Variants in HNRNPF observed in about 807,000 individuals in gnomAD.
HNRNPF encodes HnRNP F protein.
In HNRNPF, 2 loss-of-function variants were observed where a neutral mutation model predicts 26.0. The observed-to-expected ratio is 0.08, with a 90% CI of 0.03 to 0.24. HNRNPF has a LOEUF of 0.24. Among genes scored for constraint, HNRNPF ranks in the 10% least tolerant of loss-of-function variants. The pLI, the probability that HNRNPF is intolerant of heterozygous loss-of-function variation, is 1.00. For missense variants in HNRNPF, 299 were observed against 539.2 expected (o/e 0.55, Z 4.41); for synonymous variants, 234 against 211.5 (o/e 1.11, Z -0.92).
chr10:43,395,585 T>TG (rs968578022), intron 2 of HNRNPF, among the ~76,000 whole-genome samples: 29 of 152,126 alleles, frequency 1.9e-4, no homozygotes, highest in South Asian at 4.1e-4. Flanking sequence ...AAGACACTAT[T>TG]GGGGGGGTGT....
chr10:43,406,538 T>TA (rs1304946542), intron 1 of HNRNPF, among the ~76,000 whole-genome samples: 3 of 151,816 alleles, frequency 2.0e-5, no homozygotes, highest in Admixed American at 2.0e-4. Context: ...CTACAAAAAA[T>TA]ACAAAAATTT....
At chr10:43,405,026 C>A (rs1383272689) in intron 1 of HNRNPF, among the ~76,000 whole-genome samples, 1 of 152,170 alleles carries the variant, frequency 6.6e-6, no homozygotes, top group Non-Finnish European at 1.5e-5. Context: ...TAGATGATCA[C>A]TTACACAGCA....
At chr10:43,393,434 A>G (rs1005259254) in intron 3 of HNRNPF, among the ~76,000 whole-genome samples, 34 of 152,148 alleles carry the variant, frequency 2.2e-4, no homozygotes, top group Non-Finnish European at 4.4e-4. Context: ...CGTTTCTACT[A>G]AAAATACAAA....
intron 3 of HNRNPF, among the ~76,000 whole-genome samples, chr10:43,392,893 C>T (rs141262771): frequency 6.6e-6 from 1 of 152,306 alleles, no homozygotes; most frequent in Non-Finnish European, 1.5e-5. Flanking sequence ...AGGTTCTCCT[C>T]TGTGCCACAA....
At chr10:43,393,494 G>A (rs1838335096) in intron 3 of HNRNPF, among the ~76,000 whole-genome samples, 1 of 152,060 alleles carries the variant, frequency 6.6e-6, no homozygotes, top group South Asian at 2.1e-4. Context: ...ACTCAGGAAG[G>A]CTGAGGCAGG....
At chr10:43,392,472 G>A (rs148208310) in intron 3 of HNRNPF, among the ~76,000 whole-genome samples, 16,930 of 152,270 alleles carry the variant, frequency 0.11, 983 homozygotes, top group Non-Finnish European at 0.12. Context: ...CTGGAAGGCA[G>A]AGGTTGCAGT....
rs575468594 is a variant in HNRNPF at position 43,397,658 on chromosome 10, A to C, written c.-246-1068T>G. 6.6e-5 allele frequency among the ~76,000 whole-genome samples: 10 copies of C among 152,346 alleles called. No individual in the cohort carries two copies. The South Asian group carries it at 1.2e-3, about 19-fold the overall frequency. ...TTTTGAAAAAAAATCTTTGAAAAAA[A>C]ATTTTTTTAACGCAATTCCTAAACT... On this transcript the variant is annotated intron_variant, in intron 1 of 3. Transcript: ENST00000682386.
intron 2 of HNRNPF, among the ~76,000 whole-genome samples, chr10:43,395,965 G>C (rs944030235): frequency 6.6e-6 from 1 of 152,190 alleles, no homozygotes; most frequent in Non-Finnish European, 1.5e-5. Flanking sequence ...GGGGCGGGGA[G>C]GGCTGCTCAG....
intron 1 of HNRNPF, chr10:43,397,301 A>G (rs541952517): frequency 3.3e-5 from 5 of 151,874 alleles, no homozygotes; most frequent in African/African-American, 1.2e-4. Flanking sequence ...CAGAGGAGGA[A>G]GTGCCATTGC....
intron 3 of HNRNPF, among the ~76,000 whole-genome samples, chr10:43,392,958 A>C (rs1838312528): frequency 6.6e-6 from 1 of 152,174 alleles, no homozygotes; most frequent in Non-Finnish European, 1.5e-5. Flanking sequence ...GACTGCCCCT[A>C]CCTGCACCCA....
At chr10:43,394,095 T>C (rs944409580) in intron 3 of HNRNPF, among the ~76,000 whole-genome samples, 2 of 152,204 alleles carry the variant, frequency 1.3e-5, no homozygotes. Context: ...GTGCCTGTTT[T>C]GTTGGCCACC....
chr10:43,405,587 T>C (rs1838889913), intron 1 of HNRNPF, among the ~76,000 whole-genome samples: 2 of 151,098 alleles, frequency 1.3e-5, no homozygotes, highest in African/African-American at 4.9e-5. Flanking sequence ...ACCCGGGAGA[T>C]GGAGTTTGCA....
intron 3 of HNRNPF, among the ~76,000 whole-genome samples, chr10:43,390,610 G>C (rs1436059979): frequency 6.6e-6 from 1 of 152,038 alleles, no homozygotes; most frequent in Non-Finnish European, 1.5e-5. Flanking sequence ...ATCCAGCTTA[G>C]AGCAAGTATC....
chr10:43,399,681 G>A (rs1035487032), intron 1 of HNRNPF, among the ~76,000 whole-genome samples: 16 of 152,214 alleles, frequency 1.1e-4, no homozygotes, highest in African/African-American at 3.6e-4. Context: ...AATGAAACAA[G>A]TCTAGGAAGA....
At chr10:43,404,326 A>C (rs972203509) in intron 1 of HNRNPF, among the ~76,000 whole-genome samples, 1 of 152,010 alleles carries the variant, frequency 6.6e-6, no homozygotes, top group Non-Finnish European at 1.5e-5. Context: ...AGGAAAACAA[A>C]AACAAAAGTA....
At chr10:43,408,613 G>T (rs1265777001) in intron 1 of HNRNPF, 1 of 152,162 alleles carries the variant, frequency 6.6e-6, no homozygotes, top group Non-Finnish European at 1.5e-5. Context: ...CTGGACTTCG[G>T]ATAGTCTCCC....
chr10:43,399,182 T>G (rs1430771463), intron 1 of HNRNPF, among the ~76,000 whole-genome samples: 1 of 152,096 alleles, frequency 6.6e-6, no homozygotes, highest in Non-Finnish European at 1.5e-5. Flanking sequence ...TGGGCTCAAA[T>G]GATCCTCCCA....
intron 1 of HNRNPF, among the ~76,000 whole-genome samples, chr10:43,406,728 G>A (rs1297098910): frequency 1.3e-5 from 2 of 152,178 alleles, no homozygotes; most frequent in Admixed American, 6.5e-5. Flanking sequence ...AGACGGGGTA[G>A]GTCTCTGGGG....
At chr10:43,392,028 G>A (rs920838861) in intron 3 of HNRNPF, among the ~76,000 whole-genome samples, 7 of 152,104 alleles carry the variant, frequency 4.6e-5, no homozygotes, top group African/African-American at 1.4e-4. Context: ...GTGGATAACC[G>A]GAGCCAGGAG....
Sources: allele counts gnomAD v4.1 joint callset (sites outside exome capture counted in the v4.1 genomes callset), GRCh38; gene constraint gnomAD v4.1.1; transcripts MANE v1.5; gene names NCBI Gene and HGNC (gene_info 2026-07-23, HGNC 2026-07-21).